The following PALM2AKAP2 variants were observed in gnomAD, a reference collection of about 807,000 sequenced individuals.
The protein encoded by PALM2AKAP2 is PALM2 and AKAP2 fusion.
PALM2AKAP2 carries 37 observed loss-of-function variants against 71.5 expected under a neutral mutation model. The ratio of observed to expected loss-of-function variants is 0.52; its 90% CI spans 0.40 to 0.68. The LOEUF (loss-of-function observed/expected upper bound fraction) is 0.68, where lower values mean the gene tolerates loss of function less well. PALM2AKAP2 is among the 30% of genes least tolerant of loss of function. The pLI, the probability that PALM2AKAP2 is intolerant of heterozygous loss-of-function variation, is 0.00. For synonymous variants in PALM2AKAP2, 468 were observed against 478.8 expected (o/e 0.98, Z 0.29); for missense variants, 1,224 against 1,191.8 (o/e 1.03, Z -0.40).
chr9:110,142,068 CTTTTTTT>C (rs994621645), intron 2 of PALM2AKAP2, among the ~76,000 whole-genome samples: 3 of 121,842 alleles, frequency 2.5e-5, no homozygotes, highest in Non-Finnish European at 5.3e-5. Context: ...TCTTATTTTA[CTTTTTTT>C]TTTTTTTTTT....
chr9:109,699,768 A>G (rs1190796373), intron 1 of PALM2AKAP2, among the ~76,000 whole-genome samples: 1 of 119,600 alleles, frequency 8.4e-6, no homozygotes, highest in African/African-American at 3.6e-5. Context: ...AGCAGCCATT[A>G]CCTTTATTTA....
intron 2 of PALM2AKAP2, among the ~76,000 whole-genome samples, chr9:109,871,521 A>T (rs1311744238): frequency 2.6e-5 from 4 of 152,218 alleles, no homozygotes; most frequent in African/African-American, 9.6e-5. Context: ...CAAAAACTAA[A>T]TTAAAAAGTA....
At chr9:109,792,824 T>C (rs1003506574) in intron 1 of PALM2AKAP2, among the ~76,000 whole-genome samples, 1 of 152,170 alleles carries the variant, frequency 6.6e-6, no homozygotes, top group Non-Finnish European at 1.5e-5. Flanking sequence ...ACTAAATGTA[T>C]AGGATGCCCA....
At position 110,137,559 on chromosome 9, in the gene PALM2AKAP2, G is replaced by A. The variant is rs548585080; in HGVS notation, c.1589G>A (p.Arg530Gln). 9 of 1,614,048 alleles carry A rather than the reference G, an allele frequency of 5.6e-6. No homozygotes were observed. The highest frequency in any genetic ancestry group is 1.3e-5 in the African/African-American group (1 of 74,924). ...GAGGATGGAGAATTTACGAGCGCCCGGGCTGTCCTCACTGTGGTCAAGGAT... is the reference window on the plus strand; with the variant it reads ...GAGGATGGAGAATTTACGAGCGCCCAGGCTGTCCTCACTGTGGTCAAGGAT... Residue 530 changes from arginine to glutamine, a missense_variant, in exon 2 of 4, where the codon CGG (arginine) becomes CAG (glutamine). Coordinates refer to ENST00000374525, the Ensembl canonical transcript of PALM2AKAP2.
intron 1 of PALM2AKAP2, among the ~76,000 whole-genome samples, chr9:110,109,406 A>ATGTT (rs1348984112): frequency 6.6e-6 from 1 of 151,132 alleles, no homozygotes; most frequent in Non-Finnish European, 1.5e-5. Flanking sequence ...TTCAGAGGTC[A>ATGTT]TGTTTCGGAG....
intron 1 of PALM2AKAP2, among the ~76,000 whole-genome samples, chr9:109,664,239 T>G (rs1318518369): frequency 6.6e-6 from 1 of 152,200 alleles, no homozygotes; most frequent in Non-Finnish European, 1.5e-5. Context: ...TTATGATATT[T>G]GCTGGTTATT....
intron 1 of PALM2AKAP2, among the ~76,000 whole-genome samples, chr9:109,756,960 A>G (rs374071508): frequency 1.3e-3 from 196 of 152,226 alleles, no homozygotes; most frequent in African/African-American, 3.8e-3. Flanking sequence ...TATAGTTTCT[A>G]TGTTTTGGGA....
chr9:109,947,090 CT>C (rs1358049162), intron 6 of PALM2AKAP2, among the ~76,000 whole-genome samples: 2 of 152,200 alleles, frequency 1.3e-5, no homozygotes, highest in Non-Finnish European at 2.9e-5. Flanking sequence ...AGGGAATGCC[CT>C]TATGGCCAAA....
At chr9:109,731,350 T>C (rs1224168339) in intron 1 of PALM2AKAP2, among the ~76,000 whole-genome samples, 2 of 152,240 alleles carry the variant, frequency 1.3e-5, no homozygotes, top group Non-Finnish European at 2.9e-5. Flanking sequence ...TATAGTAGTT[T>C]AGTTCTCAAC....
rs1423727354 is a variant in PALM2AKAP2 at position 109,830,448 on chromosome 9, A to AT, written c.46-37042dup. 2.6e-5 allele frequency among the ~76,000 whole-genome samples: 4 copies of AT among 152,328 alleles called. No homozygotes were observed. The East Asian group carries it at 7.7e-4, about 29-fold the overall frequency. On this transcript the variant is annotated intron_variant, in intron 1 of 9. Coordinates refer to the PALM2AKAP2 transcript ENST00000302798. ...TGTTAATGTTTGATCAACAAAACACATGTAGGCCTAGGCTCTGATCTAGGT... is the reference window on the plus strand; with the variant it reads ...TGTTAATGTTTGATCAACAAAACACATTGTAGGCCTAGGCTCTGATCTAGGT...
chr9:110,035,660 G>T (rs866065108), intron 7 of PALM2AKAP2, among the ~76,000 whole-genome samples: 26 of 90,516 alleles, frequency 2.9e-4, no homozygotes, highest in Admixed American at 3.8e-4. Flanking sequence ...AACATATATA[G>T]GATATGTTGT....
chr9:110,041,168 C>A (rs1354888068), intron 7 of PALM2AKAP2, among the ~76,000 whole-genome samples: 1 of 152,144 alleles, frequency 6.6e-6, no homozygotes, highest in African/African-American at 2.4e-5. Flanking sequence ...CCAGGGGACT[C>A]TGTCCTCTGG....
At chr9:110,123,815 C>T (rs1174789961) in intron 1 of PALM2AKAP2, among the ~76,000 whole-genome samples, 2 of 152,186 alleles carry the variant, frequency 1.3e-5, no homozygotes, top group Non-Finnish European at 2.9e-5. Flanking sequence ...CCTCTTGCAT[C>T]GCTGGTCGAG....
At chr9:110,042,948 T>A (rs1215344628) in intron 7 of PALM2AKAP2, among the ~76,000 whole-genome samples, 1 of 152,198 alleles carries the variant, frequency 6.6e-6, no homozygotes, top group Non-Finnish European at 1.5e-5. Context: ...TACAATTAAA[T>A]TATTTTTGAC....
At chr9:110,137,992 G>A in exon 2 of PALM2AKAP2, 1 of 1,614,004 alleles carries the variant, frequency 6.2e-7, no homozygotes, top group South Asian at 1.1e-5. Context: ...TAGCCGAGCA[G>A]GTGGATAAAG....
At chr9:110,024,863 T>G in intron 7 of PALM2AKAP2, 1 of 823,738 alleles carries the variant, frequency 1.2e-6, no homozygotes, top group East Asian at 2.4e-5. Context: ...TTTTATTTAT[T>G]TATTTTTTAA....
intron 1 of PALM2AKAP2, among the ~76,000 whole-genome samples, chr9:109,736,657 T>C (rs1828640020): frequency 6.6e-6 from 1 of 152,206 alleles, no homozygotes; most frequent in African/African-American, 2.4e-5. Context: ...TAAATGTATC[T>C]ATCGCGTAGT....
At chr9:109,925,757 C>G (rs1830943113) in intron 5 of PALM2AKAP2, among the ~76,000 whole-genome samples, 1 of 152,162 alleles carries the variant, frequency 6.6e-6, no homozygotes, top group African/African-American at 2.4e-5. Context: ...TGGGGATGAA[C>G]TTGAGATTGT....
At position 109,745,215 on chromosome 9, in the gene PALM2AKAP2, G is replaced by A. The variant is rs112130549; in HGVS notation, c.6-35273G>A. On this transcript the variant is annotated intron_variant, in intron 1 of 6. Coordinates refer to the PALM2AKAP2 transcript ENST00000374531. Reference sequence around the variant, plus strand: ...AAAAATAAGGCTCGTAGCCGGGCATGGTGGCACAAGTCTGTCATCCTAGCT... The same window carrying A: ...AAAAATAAGGCTCGTAGCCGGGCATAGTGGCACAAGTCTGTCATCCTAGCT... Among the ~76,000 whole-genome samples the A allele has an allele frequency of 3.7e-3, 562 of 152,212 alleles. 1 individual carries two copies. Among genetic ancestry groups the A allele is most frequent in the African/African-American group, 0.013 (522 of 41,518 alleles).
Sources: gnomAD v4.1 joint callset for allele counts (sites outside exome capture counted in the v4.1 genomes callset) on GRCh38, gnomAD v4.1.1 for gene constraint, MANE v1.5 for transcripts, NCBI Gene and HGNC (gene_info 2026-07-23, HGNC 2026-07-21) for gene names.